The following CTNNBL1 variants were observed in gnomAD, a reference collection of about 807,000 sequenced individuals.
The protein encoded by CTNNBL1 is beta-catenin-like protein 1.
CTNNBL1 carries 31 observed loss-of-function variants against 72.7 expected under a neutral mutation model. That is an observed-to-expected ratio of 0.43 (90% CI 0.32 to 0.58). CTNNBL1 has a LOEUF of 0.58. CTNNBL1 is among the 20% of genes least tolerant of loss of function. The pLI is 0.08. For synonymous variants in CTNNBL1, 240 were observed against 267.3 expected, an observed-to-expected ratio of 0.90 and a Z score of 1.00; for missense variants, 534 against 725.1, an observed-to-expected ratio of 0.74 and a Z score of 3.03.
At chr20:37,792,923 A>C (rs972655921) in intron 10 of CTNNBL1, among the ~76,000 whole-genome samples, 3 of 152,164 alleles carry the variant, frequency 2.0e-5, no homozygotes, top group African/African-American at 7.2e-5. Context: ...TATGTTGTTT[A>C]GTTTCCAAGT....
At chr20:37,726,911 A>G (rs2073090106) in intron 1 of CTNNBL1, among the ~76,000 whole-genome samples, 1 of 152,166 alleles carries the variant, frequency 6.6e-6, no homozygotes, top group Non-Finnish European at 1.5e-5. Context: ...TGATACCATT[A>G]TTGCTCATTA....
Position 37,871,834 on chromosome 20 carries a change from G to A in CTNNBL1, c.1604-91G>A, listed in dbSNP as rs1266299279. On this transcript the variant is annotated intron_variant, in intron 15 of 15. Transcript: ENST00000361383. ...ATTAGGGCGACTTGCACCTCTGTGGGAGCTGGGGTTCTGGGAAAGGTATGA... is the reference window on the plus strand; with the variant it reads ...ATTAGGGCGACTTGCACCTCTGTGGAAGCTGGGGTTCTGGGAAAGGTATGA... 89 of 1,133,122 alleles carry A rather than the reference G, an allele frequency of 7.9e-5. 1 individual carries two copies. The highest frequency in any genetic ancestry group is 5.3e-4 in the South Asian group (42 of 79,186). 70.2% of individuals were successfully genotyped at this position (1,133,122 alleles called of 1,614,324 possible).
At chr20:37,824,250 CTG>C (rs2072138253) in intron 11 of CTNNBL1, among the ~76,000 whole-genome samples, 1 of 152,246 alleles carries the variant, frequency 6.6e-6, no homozygotes, top group African/African-American at 2.4e-5. Flanking sequence ...TAAGAAAAAA[CTG>C]TGTCGCTGCT....
chr20:37,753,635 A>G (rs2073338881), intron 4 of CTNNBL1, among the ~76,000 whole-genome samples: 1 of 152,224 alleles, frequency 6.6e-6, no homozygotes, highest in Non-Finnish European at 1.5e-5. Context: ...AGGCTTTTGG[A>G]AAAATGAAGG....
chr20:37,809,182 A>G (rs897532688), intron 11 of CTNNBL1, among the ~76,000 whole-genome samples: 2 of 152,120 alleles, frequency 1.3e-5, no homozygotes, highest in Non-Finnish European at 1.5e-5. Flanking sequence ...GACATGGGGG[A>G]AAAAGCAATT....
At chr20:37,829,139 C>A (rs1306636564) in intron 11 of CTNNBL1, among the ~76,000 whole-genome samples, 2 of 152,060 alleles carry the variant, frequency 1.3e-5, no homozygotes, top group Admixed American at 1.3e-4. Context: ...TGGCAAGGTT[C>A]AGCAATAAAA....
chr20:37,827,482 G>C (rs142836551), intron 11 of CTNNBL1, among the ~76,000 whole-genome samples: 5 of 152,310 alleles, frequency 3.3e-5, no homozygotes, highest in Non-Finnish European at 7.4e-5. Flanking sequence ...AGGTGGAAAA[G>C]AGAACTGTTC....
At chr20:37,785,163 T>C (rs201276819) in intron 10 of CTNNBL1, among the ~76,000 whole-genome samples, 3 of 152,222 alleles carry the variant, frequency 2.0e-5, no homozygotes, top group East Asian at 3.8e-4. Flanking sequence ...ATATATTATT[T>C]CTTTTCTCTT....
intron 4 of CTNNBL1, among the ~76,000 whole-genome samples, chr20:37,749,685 A>C (rs192870157): frequency 8.5e-5 from 13 of 152,280 alleles, no homozygotes; most frequent in Admixed American, 8.5e-4. Context: ...AGAGGCAGCA[A>C]ATAGGGGTAA....
chr20:37,739,868 AT>A (rs2122611327), intron 3 of CTNNBL1, among the ~76,000 whole-genome samples: 1 of 152,234 alleles, frequency 6.6e-6, no homozygotes, highest in East Asian at 1.9e-4. Context: ...TTACATCCCC[AT>A]TGCTTGAACC....
intron 15 of CTNNBL1, among the ~76,000 whole-genome samples, chr20:37,871,597 G>T (rs149309731): frequency 6.6e-6 from 1 of 152,156 alleles, no homozygotes; most frequent in Non-Finnish European, 1.5e-5. Context: ...CCTTCGATGC[G>T]TTGAGGATGA....
intron 5 of CTNNBL1, among the ~76,000 whole-genome samples, chr20:37,764,566 G>A (rs1250295616): frequency 6.6e-6 from 1 of 152,204 alleles, no homozygotes; most frequent in Non-Finnish European, 1.5e-5. Flanking sequence ...GTTTCAACAT[G>A]TGTGACTCCA....
chr20:37,857,103 C>T (rs777440302), intron 13 of CTNNBL1, among the ~76,000 whole-genome samples: 4 of 152,212 alleles, frequency 2.6e-5, no homozygotes, highest in Non-Finnish European at 5.9e-5. Context: ...ATAATCTCTT[C>T]TCTGCCCTTT....
intron 3 of CTNNBL1, among the ~76,000 whole-genome samples, chr20:37,743,668 C>G (rs2073237576): frequency 6.6e-6 from 1 of 152,060 alleles, no homozygotes; most frequent in Non-Finnish European, 1.5e-5. Context: ...AACCCAGAAA[C>G]AGAATAAAGT....
chr20:37,805,006 A>G (rs983562009), intron 11 of CTNNBL1, among the ~76,000 whole-genome samples: 1 of 152,014 alleles, frequency 6.6e-6, no homozygotes, highest in Admixed American at 6.6e-5. Context: ...GCAGAAGTGA[A>G]CTCCAAGGAG....
chr20:37,835,333 A>G (rs745451529), intron 11 of CTNNBL1, among the ~76,000 whole-genome samples: 5 of 152,208 alleles, frequency 3.3e-5, no homozygotes, highest in Non-Finnish European at 5.9e-5. Context: ...CTTTTCCTGT[A>G]CATTTTTATA....
At chr20:37,812,117 G>A (rs1469695085) in intron 11 of CTNNBL1, among the ~76,000 whole-genome samples, 1 of 152,136 alleles carries the variant, frequency 6.6e-6, no homozygotes, top group Non-Finnish European at 1.5e-5. Context: ...TAGTGGCCTT[G>A]GGCAAGTTAT....
chr20:37,811,919 A>T (rs1348540610), intron 11 of CTNNBL1, among the ~76,000 whole-genome samples: 1 of 152,212 alleles, frequency 6.6e-6, no homozygotes, highest in Non-Finnish European at 1.5e-5. Flanking sequence ...TTACCAAAAT[A>T]CCGTTTAGCA....
intron 10 of CTNNBL1, among the ~76,000 whole-genome samples, chr20:37,786,881 A>T (rs2073679816): frequency 6.6e-6 from 1 of 152,200 alleles, no homozygotes; most frequent in Admixed American, 6.5e-5. Flanking sequence ...GCTATAAAAT[A>T]CATTTCTGAA....
Sources: allele counts gnomAD v4.1 joint callset (sites outside exome capture counted in the v4.1 genomes callset), GRCh38; gene constraint gnomAD v4.1.1; transcripts MANE v1.5; gene names NCBI Gene and HGNC (gene_info 2026-07-23, HGNC 2026-07-21).